The following CCDC102B variants were observed in gnomAD, a reference collection of about 807,000 sequenced individuals.
CCDC102B encodes coiled-coil domain-containing protein 102B.
A neutral mutation model predicts 57.4 loss-of-function variants in CCDC102B; 75 were observed. The ratio of observed to expected loss-of-function variants is 1.31; its 90% CI spans 1.08 to 1.58. The LOEUF is 1.58. Among genes scored for constraint, CCDC102B ranks in the 40% most tolerant of loss-of-function variants. The pLI is 0.00. For synonymous variants in CCDC102B, 206 were observed against 201.9 expected (o/e 1.02, Z -0.17); for missense variants, 636 against 582.6 (o/e 1.09, Z -0.94).
At chr18:68,796,299 A>G (rs2035626766), upstream of CCDC102B, among the ~76,000 whole-genome samples, 3 of 152,168 alleles carry the variant, frequency 2.0e-5, no homozygotes, top group Non-Finnish European at 4.4e-5. Flanking sequence ...ATAGAATAGA[A>G]GGAGTCAAGG....
intron 6 of CCDC102B, among the ~76,000 whole-genome samples, chr18:69,007,514 G>A (rs935370326): frequency 2.6e-5 from 4 of 152,166 alleles, no homozygotes; most frequent in African/African-American, 4.8e-5. Context: ...TATAGTCACT[G>A]ACAAGAGGAA....
chr18:68,942,399 T>A (rs11151474), intron 6 of CCDC102B, among the ~76,000 whole-genome samples: 86,144 of 151,766 alleles, frequency 0.57, 26,644 homozygotes, highest in Non-Finnish European at 0.68. Context: ...GTGCTCAGCA[T>A]ATGGAGGACC....
chr18:68,729,625 T>C (rs2048329), intron 2 of CCDC102B, among the ~76,000 whole-genome samples: 42,671 of 152,024 alleles, frequency 0.28, 7,493 homozygotes, highest in East Asian at 0.4. Context: ...TTAATTTGGG[T>C]CCAAACCCTA....
At chr18:68,814,053 AG>A (rs2036382679) in intron 1 of CCDC102B, among the ~76,000 whole-genome samples, 1 of 152,122 alleles carries the variant, frequency 6.6e-6, no homozygotes, top group Non-Finnish European at 1.5e-5. Context: ...TTTTATTAGT[AG>A]GAAAAAATGA....
Position 68,936,208 on chromosome 18 carries a change from A to C in CCDC102B, c.1263+38780A>C, listed in dbSNP as rs201755406. ...ATCTCATTGGCAAATATGCCAAAATAAAAAAAAAAAATCCAAAATCTGAAA... is the reference window on the plus strand; with the variant it reads ...ATCTCATTGGCAAATATGCCAAAATCAAAAAAAAAAATCCAAAATCTGAAA... On this transcript the variant is annotated intron_variant, in intron 6 of 7. Coordinates refer to ENST00000360242, the MANE Select transcript of CCDC102B (RefSeq NM_024781.3). Among the ~76,000 whole-genome samples, 8 of 76,790 alleles carry C rather than the reference A, an allele frequency of 1.0e-4. No homozygotes were observed. The South Asian group carries it at 3.8e-3, about 37-fold the overall frequency. The allele number at this position is 76,790 out of a possible 152,430, so 50.4% of individuals were successfully genotyped here.
chr18:68,817,157 A>G (rs766269501), intron 1 of CCDC102B, among the ~76,000 whole-genome samples: 51 of 152,328 alleles, frequency 3.3e-4, no homozygotes, highest in Non-Finnish European at 6.0e-4. Flanking sequence ...GACTTTTATA[A>G]AACACTTGAT....
At chr18:68,861,078 A>C (rs1052424272) in intron 4 of CCDC102B, among the ~76,000 whole-genome samples, 20 of 150,972 alleles carry the variant, frequency 1.3e-4, no homozygotes, top group Admixed American at 8.6e-4. Flanking sequence ...CAGTTGTGGT[A>C]CAGTGCCCAG....
chr18:68,965,540 A>G (rs1312222259), intron 6 of CCDC102B, among the ~76,000 whole-genome samples: 3 of 151,560 alleles, frequency 2.0e-5, no homozygotes, highest in Admixed American at 6.6e-5. Flanking sequence ...TGTCAGACCA[A>G]CATGGCACAT....
intron 6 of CCDC102B, among the ~76,000 whole-genome samples, chr18:68,931,889 A>T (rs2041685438): frequency 6.6e-6 from 1 of 151,946 alleles, no homozygotes; most frequent in Non-Finnish European, 1.5e-5. Context: ...GAACAAGAGG[A>T]ATATTGGTTG....
chr18:68,871,794 A>C (rs1474725574), intron 4 of CCDC102B, among the ~76,000 whole-genome samples: 1 of 152,160 alleles, frequency 6.6e-6, no homozygotes, highest in Non-Finnish European at 1.5e-5. Flanking sequence ...TAATAAGTTG[A>C]TTGAGAAGCT....
At chr18:68,860,478 A>AAACAAACC (rs80030644) in intron 4 of CCDC102B, among the ~76,000 whole-genome samples, 3 of 97,832 alleles carry the variant, frequency 3.1e-5, no homozygotes, top group Admixed American at 1.1e-4. Context: ...ACAAAAACAA[A>AAACAAACC]AAAAAAAAAA....
intron 4 of CCDC102B, among the ~76,000 whole-genome samples, chr18:68,857,337 T>TA (rs1276704407): frequency 3.2e-5 from 3 of 94,368 alleles, no homozygotes; most frequent in African/African-American, 1.2e-4. Context: ...ATAAAATATA[T>TA]ATTTATATAT....
At chr18:68,854,246 G>A (rs2038280406) in intron 4 of CCDC102B, among the ~76,000 whole-genome samples, 1 of 151,708 alleles carries the variant, frequency 6.6e-6, no homozygotes, top group Admixed American at 6.6e-5. Flanking sequence ...GATTACAGGT[G>A]CCCGCCACCA....
intron 7 of CCDC102B, among the ~76,000 whole-genome samples, chr18:69,026,478 C>CAAAAAA (rs1175490910): frequency 7.0e-6 from 1 of 142,874 alleles, no homozygotes; most frequent in African/African-American, 3.0e-5. Context: ...AAAAAAAAAC[C>CAAAAAA]CCAGAGAAAT....
intron 6 of CCDC102B, among the ~76,000 whole-genome samples, chr18:68,913,581 G>A (rs906447407): frequency 2.6e-5 from 4 of 151,908 alleles, no homozygotes; most frequent in Non-Finnish European, 4.4e-5. Flanking sequence ...CTTCAACCAG[G>A]GAGGCAGAGG....
chr18:68,821,822 A>G (rs651523), intron 1 of CCDC102B, among the ~76,000 whole-genome samples: 179 of 152,202 alleles, frequency 1.2e-3, no homozygotes, highest in African/African-American at 4.1e-3. Flanking sequence ...TGAGTAAACT[A>G]TATATACACC....
At chr18:68,769,273 T>C (rs2034562511) in intron 2 of CCDC102B, among the ~76,000 whole-genome samples, 1 of 150,596 alleles carries the variant, frequency 6.6e-6, no homozygotes, top group Non-Finnish European at 1.5e-5. Context: ...AAAAAAAGAT[T>C]GAATCGATGG....
chr18:68,970,582 C>T (rs539478778), intron 6 of CCDC102B, among the ~76,000 whole-genome samples: 1 of 151,614 alleles, frequency 6.6e-6, no homozygotes, highest in Non-Finnish European at 1.5e-5. Flanking sequence ...TTGCAACATA[C>T]CCTTGGGGAG....
intron 1 of CCDC102B, among the ~76,000 whole-genome samples, chr18:68,834,454 T>TATATA (rs1568275774): frequency 6.8e-6 from 1 of 146,882 alleles, no homozygotes; most frequent in African/African-American, 2.5e-5. Flanking sequence ...TATATATATA[T>TATATA]TTGCTGTGTT....
Sources: gnomAD v4.1 joint callset for allele counts (sites outside exome capture counted in the v4.1 genomes callset) on GRCh38, gnomAD v4.1.1 for gene constraint, MANE v1.5 for transcripts, NCBI Gene and HGNC (gene_info 2026-07-23, HGNC 2026-07-21) for gene names.